ANKRD30B: variants seen among roughly 807,000 people sequenced by gnomAD.
ANKRD30B encodes the protein ankyrin repeat domain-containing protein 30B.
ANKRD30B carries 144 observed loss-of-function variants against 202.2 expected under a neutral mutation model. That is an observed-to-expected ratio of 0.71 (90% CI 0.62 to 0.82). ANKRD30B has a LOEUF of 0.82. Ranked by LOEUF, ANKRD30B falls within the 40% of genes least tolerant of loss-of-function variation. The probability of loss-of-function intolerance (pLI) is 0.00; values close to 1 mark genes in which losing one functional copy is unlikely to be tolerated. For synonymous variants in ANKRD30B, 508 were observed against 561.3 expected (o/e 0.91, Z 1.34); for missense variants, 1,487 against 1,669.1 (o/e 0.89, Z 1.90).
chr18:14,842,068 T>C (rs1971440558), intron 37 of ANKRD30B, among the ~76,000 whole-genome samples: 2 of 152,116 alleles, frequency 1.3e-5, no homozygotes, highest in Admixed American at 6.5e-5. Flanking sequence ...AACAAAAAAT[T>C]ACAGAATTTA....
chr18:14,790,297 A>G lies in ANKRD30B; in HGVS notation c.1735-1104A>G, dbSNP rs182615464. Among the ~76,000 whole-genome samples, 22 of 152,212 alleles carry G rather than the reference A, an allele frequency of 1.4e-4. No homozygotes were observed. In the East Asian group the frequency reaches 3.5e-3, roughly 24 times the overall value. On this transcript the variant is annotated intron_variant, in intron 15 of 43. Transcript: ENST00000690538. ...GCTTAAGGAGATTTTGGGCTGAGAC[A>G]ATGGGGTTTTCTAGATATACAATCA...
intron 10 of ANKRD30B, among the ~76,000 whole-genome samples, 162 bp from the exon 11 acceptor site, chr18:14,779,798 G>A (rs1251245109): frequency 1.5e-5 from 1 of 66,402 alleles, no homozygotes; most frequent in African/African-American, 5.1e-5. Context: ...TAAGATTGTA[G>A]TTCTAACCAA....
Position 14,748,404 on chromosome 18 carries a change from G to A in ANKRD30B, c.-16G>A, listed in dbSNP as rs1420844708. 5 of 1,464,320 alleles carry A rather than the reference G, an allele frequency of 3.4e-6. No individual in the cohort carries two copies. The highest frequency in any genetic ancestry group is 2.6e-5 in the East Asian group (1 of 38,844). The allele number at this position is 1,464,320 out of a possible 1,614,324, so 90.7% of individuals were successfully genotyped here. On this transcript the variant is annotated 5_prime_UTR_variant, in exon 1 of 44. Transcript: ENST00000690538. ...GAGCGGGAGGCGCGGGCTCTCTCTA[G>A]CAGGGGGCTGCAGCCATGAAGAGGC... is the stretch of plus-strand genomic sequence containing the variant.
At chr18:14,767,295 G>A (rs538223976) in intron 7 of ANKRD30B, among the ~76,000 whole-genome samples, 5 of 152,150 alleles carry the variant, frequency 3.3e-5, no homozygotes, top group South Asian at 2.1e-4. Flanking sequence ...TAAGACACCC[G>A]GTGAATGTCT....
chr18:14,906,593 A>T, the ANKRD30B span, among the ~76,000 whole-genome samples: 1 of 152,178 alleles, frequency 6.6e-6, no homozygotes, highest in East Asian at 1.9e-4. Flanking sequence ...AAAGTCTTTC[A>T]TATTATACAA....
intron 7 of ANKRD30B, among the ~76,000 whole-genome samples, chr18:14,766,077 G>A (rs1226178883): frequency 6.6e-6 from 1 of 152,096 alleles, no homozygotes; most frequent in African/African-American, 2.4e-5. Flanking sequence ...AGTTAATATG[G>A]TTTAGTTATT....
intron 6 of ANKRD30B, among the ~76,000 whole-genome samples, chr18:14,763,366 T>C (rs1238117432): frequency 6.6e-6 from 1 of 152,084 alleles, no homozygotes; most frequent in African/African-American, 2.4e-5. Context: ...CTGACTAACA[T>C]GGTGAAACTC....
At chr18:14,760,752 G>A in intron 6 of ANKRD30B, 134 bp downstream of exon 6, 1 of 604,434 alleles carries the variant, frequency 1.7e-6, no homozygotes, top group Non-Finnish European at 2.9e-6. Flanking sequence ...GTGGGTGTGT[G>A]TGTGTATATA....
At chr18:14,773,231 A>G (rs9947578) in intron 9 of ANKRD30B, among the ~76,000 whole-genome samples, 55,049 of 151,998 alleles carry the variant, frequency 0.36, 10,483 homozygotes, top group Non-Finnish European at 0.43. Context: ...ATCTTAAATT[A>G]TGGAAGATTT....
intron 6 of ANKRD30B, 139 bp from the exon 7 acceptor site, chr18:14,763,547 C>CA (rs914552768): frequency 1.6e-4 from 197 of 1,245,882 alleles, no homozygotes; most frequent in Middle Eastern, 8.4e-4. Context: ...AAGACTCCAT[C>CA]AAAAAAAAGA....
At chr18:14,788,706 C>A (rs1056253231) in intron 15 of ANKRD30B, among the ~76,000 whole-genome samples, 28 of 151,908 alleles carry the variant, frequency 1.8e-4, no homozygotes, top group African/African-American at 6.8e-4. Flanking sequence ...CATCCATGTC[C>A]CTACAAAGGA....
chr18:14,921,604 T>A, the ANKRD30B span, among the ~76,000 whole-genome samples: 1 of 152,022 alleles, frequency 6.6e-6, no homozygotes, highest in Non-Finnish European at 1.5e-5. Flanking sequence ...CCAAGCACTA[T>A]GAAAAAATAC....
chr18:14,834,788 C>T (rs1228258068), intron 34 of ANKRD30B, among the ~76,000 whole-genome samples: 2 of 151,824 alleles, frequency 1.3e-5, no homozygotes, highest in Non-Finnish European at 2.9e-5. Context: ...ACCCCCAAAA[C>T]GTACATTTAT....
At chr18:14,850,795 T>G (rs1971850469) in intron 41 of ANKRD30B, among the ~76,000 whole-genome samples, 1 of 151,904 alleles carries the variant, frequency 6.6e-6, no homozygotes, top group Admixed American at 6.6e-5. Context: ...TTTACCACTT[T>G]TGTTTTGAAA....
the ANKRD30B span, among the ~76,000 whole-genome samples, chr18:14,875,947 G>A: frequency 6.6e-6 from 1 of 152,138 alleles, no homozygotes; most frequent in East Asian, 1.9e-4. Context: ...CTACATCATA[G>A]TAGAGGCCCC....
intron 16 of ANKRD30B, among the ~76,000 whole-genome samples, chr18:14,793,877 G>C (rs988008644): frequency 3.0e-4 from 45 of 151,502 alleles, no homozygotes; most frequent in Non-Finnish European, 4.4e-4. Context: ...CTGGGCGACA[G>C]GGCGAGACAC....
At chr18:14,859,152 GCGCTCCT>G, downstream of ANKRD30B, among the ~76,000 whole-genome samples, 2 of 127,756 alleles carry the variant, frequency 1.6e-5, no homozygotes, top group Non-Finnish European at 3.4e-5. Flanking sequence ...CCAGGAAGAG[GCGCTCCT>G]CACCTCCCAG....
chr18:14,767,529 T>C (rs1916441961), intron 7 of ANKRD30B, among the ~76,000 whole-genome samples: 1 of 152,190 alleles, frequency 6.6e-6, no homozygotes, highest in Non-Finnish European at 1.5e-5. Flanking sequence ...TGAGATGATA[T>C]AATGCCTATG....
chr18:14,875,798 T>C, the ANKRD30B span, among the ~76,000 whole-genome samples: 1 of 152,294 alleles, frequency 6.6e-6, no homozygotes, highest in African/African-American at 2.4e-5. Flanking sequence ...TGGTTTTGAA[T>C]TCCAGCCTAG....
Sources: allele counts gnomAD v4.1 joint callset (sites outside exome capture counted in the v4.1 genomes callset), GRCh38; gene constraint gnomAD v4.1.1; transcripts MANE v1.5; gene names NCBI Gene and HGNC (gene_info 2026-07-23, HGNC 2026-07-21).